Variants in SMIM7 observed in about 807,000 individuals in gnomAD.
SMIM7 encodes small integral membrane protein 7.
A neutral mutation model predicts 13.3 loss-of-function variants in SMIM7; 12 were observed. That is an observed-to-expected ratio of 0.90 (90% CI 0.58 to 1.46). The LOEUF (loss-of-function observed/expected upper bound fraction) is 1.46, where lower values mean the gene tolerates loss of function less well. Ranked by LOEUF, SMIM7 falls within the 40% of genes most tolerant of loss-of-function variation. The pLI is 0.00. For synonymous variants in SMIM7, 36 were observed against 35.8 expected (o/e 1.01, Z -0.02); for missense variants, 114 against 94.8 (o/e 1.20, Z -0.84).
chr19:16,644,572 G>A (rs1255329101), downstream of SMIM7, among the ~76,000 whole-genome samples: 1 of 151,922 alleles, frequency 6.6e-6, no homozygotes, highest in Non-Finnish European at 1.5e-5. Flanking sequence ...TGAGTAGCTG[G>A]GATTACAGGG....
intron 3 of SMIM7, among the ~76,000 whole-genome samples, chr19:16,655,560 A>G (rs2086586409): frequency 1.3e-5 from 2 of 151,788 alleles, no homozygotes; most frequent in African/African-American, 4.8e-5. Context: ...GCATGACTGT[A>G]ATCCCAGCTA....
chr19:16,631,497 T>C (rs1004471960), exon 5 of SMIM7: 1 of 152,230 alleles, frequency 6.6e-6, no homozygotes, highest in Non-Finnish European at 1.5e-5. Context: ...GGAGGTCAAG[T>C]GCAGAGCATC....
At chr19:16,653,137 G>A (rs906716438) in intron 4 of SMIM7, among the ~76,000 whole-genome samples, 11 of 152,194 alleles carry the variant, frequency 7.2e-5, no homozygotes, top group African/African-American at 2.2e-4. Context: ...GCTCAGGGAC[G>A]GCATCTCCTG....
At chr19:16,633,255 G>A (rs577856393) in intron 4 of SMIM7, among the ~76,000 whole-genome samples, 4 of 151,778 alleles carry the variant, frequency 2.6e-5, no homozygotes, top group African/African-American at 7.2e-5. Context: ...TCAGGAGTTC[G>A]AGACCAGCCT....
intron 4 of SMIM7, chr19:16,638,804 A>G (rs1031825650): frequency 6.6e-6 from 1 of 152,208 alleles, no homozygotes; most frequent in Non-Finnish European, 1.5e-5. Context: ...CAGGCATGTT[A>G]TAGGCCCATA....
intron 4 of SMIM7, chr19:16,652,360 C>T: frequency 5.4e-6 from 1 of 184,022 alleles, no homozygotes; most frequent in Non-Finnish European, 1.0e-5. Flanking sequence ...CGCCACTACA[C>T]TCGGCTAATT....
intron 4 of SMIM7, among the ~76,000 whole-genome samples, chr19:16,649,363 G>A (rs1484035885): frequency 6.6e-6 from 1 of 152,112 alleles, no homozygotes; most frequent in Non-Finnish European, 1.5e-5. Flanking sequence ...GGATCATGAG[G>A]TCAGGAATTC....
chr19:16,650,266 C>A (rs8101030), intron 4 of SMIM7, among the ~76,000 whole-genome samples: 49,609 of 152,122 alleles, frequency 0.33, 11,446 homozygotes, highest in African/African-American at 0.66. Flanking sequence ...ACCTATCCAT[C>A]TATCTAACCA....
intron 4 of SMIM7, among the ~76,000 whole-genome samples, chr19:16,648,828 G>A (rs1246978379): frequency 2.0e-5 from 3 of 150,856 alleles, no homozygotes; most frequent in Non-Finnish European, 3.0e-5. Flanking sequence ...GCAACATAGC[G>A]AAACCCAGTA....
Position 16,654,141 on chromosome 19 carries a change from A to T in SMIM7, c.122-16T>A, listed in dbSNP as rs2086565815. ...ATGTTGTCACCTGGAAGAATCAGAAAGCACTTTTATGGCACAGCTAACATC... is the reference window on the plus strand; with the variant it reads ...ATGTTGTCACCTGGAAGAATCAGAATGCACTTTTATGGCACAGCTAACATC... On this transcript the variant is annotated splice_polypyrimidine_tract_variant and intron_variant, in intron 3 of 4. Transcript: ENST00000487416. 2 of 1,611,080 alleles carry T rather than the reference A, an allele frequency of 1.2e-6. No individual in the cohort carries two copies. The highest frequency in any genetic ancestry group is 3.3e-5 in the Admixed American group (2 of 59,968).
chr19:16,638,935 T>C lies in SMIM7; in HGVS notation c.*138-7211A>G, dbSNP rs571556656. 4 of 152,342 alleles carry C rather than the reference T, an allele frequency of 2.6e-5. No homozygotes were observed. In the East Asian group the frequency reaches 5.8e-4, roughly 22 times the overall value. The allele number at this position is 152,342 out of a possible 1,614,324, so 9.4% of individuals were successfully genotyped here. A position where few individuals can be genotyped will look rare whatever the true frequency, so the allele number is the denominator to read the frequency against. On this transcript the variant is annotated intron_variant and NMD_transcript_variant, in intron 4 of 4. Coordinates refer to the SMIM7 transcript ENST00000465250. ...AACTTGCTTTCTGCTGCAACCACCT[T>C]TTCCACCTTCTTTCTCATGCACACA...
chr19:16,656,930 G>A (rs1229693786), intron 3 of SMIM7, among the ~76,000 whole-genome samples: 1 of 151,880 alleles, frequency 6.6e-6, no homozygotes, highest in Non-Finnish European at 1.5e-5. Context: ...ACAAAAAACA[G>A]GCTTTCTGAG....
At chr19:16,641,803 C>T (rs949669747), downstream of SMIM7, among the ~76,000 whole-genome samples, 1 of 152,104 alleles carries the variant, frequency 6.6e-6, no homozygotes, top group East Asian at 1.9e-4. Context: ...TTTGCCACAG[C>T]GGTCAGGCTA....
At chr19:16,644,460 A>G (rs1317647017), downstream of SMIM7, among the ~76,000 whole-genome samples, 1 of 147,264 alleles carries the variant, frequency 6.8e-6, no homozygotes, top group Non-Finnish European at 1.5e-5. Context: ...TCCGAGACAG[A>G]AGATCTTGCT....
intron 4 of SMIM7, among the ~76,000 whole-genome samples, chr19:16,651,267 C>G (rs1159864706): frequency 6.6e-6 from 1 of 152,180 alleles, no homozygotes; most frequent in Admixed American, 6.5e-5. Context: ...GCTCTGCAAG[C>G]CATGTCATCT....
intron 4 of SMIM7, among the ~76,000 whole-genome samples, chr19:16,648,184 A>G (rs879318182): frequency 6.6e-6 from 1 of 152,120 alleles, no homozygotes; most frequent in Non-Finnish European, 1.5e-5. Flanking sequence ...TCTGTTGCTC[A>G]GGGTGGAGTG....
At position 16,660,070 on chromosome 19, in the gene SMIM7, G is replaced by T. The variant is rs771255419; in HGVS notation, c.26+15C>A. 4 of 1,614,204 alleles carry T rather than the reference G, an allele frequency of 2.5e-6. No individual in the cohort carries two copies. The highest frequency in any genetic ancestry group is 3.4e-6 in the Non-Finnish European group (4 of 1,180,020). ...GCCTGGCTCTCTCTTCCCAGCCTCT[G>T]GTCCCCCTAATTACCCGAACAGCAG... On this transcript the variant is annotated intron_variant, in intron 1 of 4. Transcript: ENST00000487416.
chr19:16,644,265 C>T (rs867399659), downstream of SMIM7, among the ~76,000 whole-genome samples: 18 of 147,748 alleles, frequency 1.2e-4, no homozygotes, highest in South Asian at 2.1e-4. Flanking sequence ...GGATTACAGG[C>T]GCACGCCACC....
chr19:16,653,986 G>C, intron 4 of SMIM7, 49 bp downstream of exon 4: 2 of 1,493,482 alleles, frequency 1.3e-6, no homozygotes, highest in Non-Finnish European at 1.9e-6. Flanking sequence ...TCACCCTGGA[G>C]AAGGAGACTA....
Sources: gnomAD v4.1 joint callset for allele counts (sites outside exome capture counted in the v4.1 genomes callset) on GRCh38, gnomAD v4.1.1 for gene constraint, MANE v1.5 for transcripts, NCBI Gene and HGNC (gene_info 2026-07-23, HGNC 2026-07-21) for gene names.